MRC2: variants seen among roughly 807,000 people sequenced by gnomAD.
MRC2 encodes the protein C-type mannose receptor 2.
In MRC2, 84 loss-of-function variants were observed where a neutral mutation model predicts 206.2. The ratio of observed to expected loss-of-function variants is 0.41; its 90% CI spans 0.34 to 0.49. The LOEUF (loss-of-function observed/expected upper bound fraction) is 0.49. Among genes scored for constraint, MRC2 ranks in the 20% least tolerant of loss-of-function variants. The pLI, the probability that MRC2 is intolerant of heterozygous loss-of-function variation, is 0.31. For synonymous variants in MRC2, 798 were observed against 800.0 expected, an observed-to-expected ratio of 1.00 and a Z score of 0.04; for missense variants, 1,676 against 2,001.5, an observed-to-expected ratio of 0.84 and a Z score of 3.10.
At chr17:62,648,622 C>A (rs912900872) in intron 1 of MRC2, among the ~76,000 whole-genome samples, 1 of 152,208 alleles carries the variant, frequency 6.6e-6, no homozygotes, top group African/African-American at 2.4e-5. Context: ...CCTTGCATCT[C>A]CCTCCTGGGA....
chr17:62,670,728 G>C (rs1157263358), intron 6 of MRC2, among the ~76,000 whole-genome samples: 2 of 152,150 alleles, frequency 1.3e-5, no homozygotes, highest in Non-Finnish European at 2.9e-5. Context: ...TAGGAGCGGG[G>C]AAGGAGTCCC....
Position 62,667,000 on chromosome 17 carries a change from C to G in MRC2, c.973+130C>G, listed in dbSNP as rs373677437. 2.4e-4 allele frequency: 180 copies of G among 738,102 alleles called. 1 individual carries two copies. The highest frequency in any genetic ancestry group is 1.5e-3 in the East Asian group (54 of 37,002). 45.7% of individuals were successfully genotyped at this position (738,102 alleles called of 1,614,324 possible). On this transcript the variant is annotated intron_variant, in intron 5 of 29. Coordinates refer to ENST00000303375, the MANE Select transcript of MRC2 (RefSeq NM_006039.5). This position sits in a 1 kb window ranked among gnomAD's most constrained non-coding sequence, Gnocchi z 5.0. The stretch of plus-strand genomic sequence containing the variant: ...TAGGGGAAGCACCGACCTCCACCCC[C>G]CTCCCCAGACTGCGCCCCCCTAGCC...
At chr17:62,678,357 G>GTATC in intron 12 of MRC2, 147 bp from the exon 13 acceptor site, 1 of 1,130,708 alleles carries the variant, frequency 8.8e-7, no homozygotes, top group African/African-American at 1.6e-5. Context: ...GACCTCTGCA[G>GTATC]ATGAACAGGA....
chr17:62,659,551 A>G (rs543865416), intron 1 of MRC2, among the ~76,000 whole-genome samples: 136 of 152,216 alleles, frequency 8.9e-4, no homozygotes, highest in African/African-American at 3.1e-3. Flanking sequence ...GTATCAAAAA[A>G]AAAAAAAAAG....
intron 1 of MRC2, among the ~76,000 whole-genome samples, chr17:62,630,465 A>C (rs1029379302): frequency 2.0e-5 from 3 of 152,158 alleles, no homozygotes; most frequent in African/African-American, 7.2e-5. Flanking sequence ...AGGGTGGCCA[A>C]GGCTGTCTGG....
intron 20 of MRC2, 30 bp downstream of exon 20, chr17:62,682,407 A>G (rs745863043): frequency 6.3e-7 from 1 of 1,592,394 alleles, no homozygotes; most frequent in Non-Finnish European, 8.5e-7. Flanking sequence ...CACCCAAGGG[A>G]GTCAGGGGAG....
chr17:62,642,236 G>T (rs941686731), intron 1 of MRC2, among the ~76,000 whole-genome samples: 1 of 152,052 alleles, frequency 6.6e-6, no homozygotes, highest in African/African-American at 2.4e-5. Context: ...CATTTTTGAG[G>T]ATCCCAGGCC....
intron 24 of MRC2, 61 bp downstream of exon 24, chr17:62,689,821 TTCCTGCCCCC>T: frequency 6.5e-7 from 1 of 1,534,624 alleles, no homozygotes; most frequent in South Asian, 1.2e-5. Flanking sequence ...TCCCTGCCCC[TTCCTGCCCCC>T]GCCTTATCCG....
intron 1 of MRC2, among the ~76,000 whole-genome samples, chr17:62,657,649 G>A: frequency 6.8e-6 from 1 of 147,260 alleles, no homozygotes; most frequent in East Asian, 2.1e-4. Flanking sequence ...GGTGGGTGAG[G>A]CTGGAGGGGC....
intron 1 of MRC2, among the ~76,000 whole-genome samples, chr17:62,654,264 T>C (rs2088591713): frequency 6.6e-6 from 1 of 151,982 alleles, no homozygotes; most frequent in South Asian, 2.1e-4. Flanking sequence ...GCCCCCAGCT[T>C]TCCAGGAGCT....
chr17:62,656,461 G>T (rs999392624), intron 1 of MRC2, among the ~76,000 whole-genome samples: 2 of 152,176 alleles, frequency 1.3e-5, no homozygotes, highest in Admixed American at 6.5e-5. Context: ...CAAAGTGCAG[G>T]GATTACAGGC....
chr17:62,653,786 G>A (rs1270433371), intron 1 of MRC2, among the ~76,000 whole-genome samples: 3 of 152,104 alleles, frequency 2.0e-5, no homozygotes, highest in Admixed American at 6.6e-5. Flanking sequence ...CCGGTAGAGG[G>A]AAACCCACCA....
Position 62,689,542 on chromosome 17 carries a change from C to T in MRC2, c.3355C>T (p.Pro1119Ser), listed in dbSNP as rs2147493997. ...TGTAGACCCCTCCCTGAGCCCGTCC[C>T]CAGCAGCGCTGCCCCCCGCCCCGGG... is the stretch of plus-strand genomic sequence containing the variant. ...KGTDPSLSPS[P>S]AALPPAPGTE... Residue 1119 changes from proline (P) to serine (S), a missense_variant, in exon 24 of 30, where the codon CCA (proline) becomes TCA (serine). Physicochemically the swap from Pro to Ser is moderately conservative, Grantham distance 74 (BLOSUM62 -1). Transcript: ENST00000303375. 1.9e-6 allele frequency: 3 copies of T among 1,586,816 alleles called. No homozygotes were observed. The East Asian group carries it at 6.8e-5, about 36-fold the overall frequency.
Position 62,689,960 on chromosome 17 carries a change from C to T in MRC2, c.3640C>T (p.Pro1214Ser). Residue 1214 changes from proline to serine, a missense_variant, in exon 25 of 30, where the codon CCG (proline) becomes TCG (serine). By Grantham distance (74) the Pro-to-Ser change is moderately conservative. Transcript: ENST00000303375. ...CTACGTGGGCTGGCAGGACGGGGAGCCGCAGCAGCCGGGGGGCTGTACCTA... is the reference window on the plus strand; with the variant it reads ...CTACGTGGGCTGGCAGGACGGGGAGTCGCAGCAGCCGGGGGGCTGTACCTA... ...LNYVGWQDGEPQQPGGCTYVD... is the reference protein window; with the variant it reads ...LNYVGWQDGESQQPGGCTYVD... 6.2e-7 allele frequency: 1 copy of T among 1,612,094 alleles called. No individual in the cohort carries two copies. The highest frequency in any genetic ancestry group is 8.5e-7 in the Non-Finnish European group (1 of 1,179,786).
intron 18 of MRC2, 136 bp downstream of exon 18, chr17:62,681,265 T>C (rs956040862): frequency 1.0e-6 from 1 of 1,004,248 alleles, no homozygotes; most frequent in Admixed American, 2.7e-5. Context: ...TACTTAACCT[T>C]TCTGGGCCTT....
chr17:62,671,982 C>T lies in MRC2; in HGVS notation c.1307-16C>T. On this transcript the variant is annotated splice_polypyrimidine_tract_variant and intron_variant, in intron 7 of 29. Transcript: ENST00000303375. This position sits in a 1 kb window ranked among gnomAD's most constrained non-coding sequence, Gnocchi z 4.5. ...CTCAATGTTTTCTCTCCCCTCCTCT[C>T]CTGCTGCACCCCCAGAGGTGGAGGA... 1 of 1,614,138 alleles carries T rather than the reference C, an allele frequency of 6.2e-7. No individual in the cohort carries two copies. The highest frequency in any genetic ancestry group is 8.5e-7 in the Non-Finnish European group (1 of 1,180,022).
chr17:62,677,127 C>G, intron 11 of MRC2, 142 bp from the exon 12 acceptor site: 1 of 675,042 alleles, frequency 1.5e-6, no homozygotes, highest in Non-Finnish European at 2.5e-6. Flanking sequence ...CCTCCTGGCT[C>G]CAACCCCAGA....
chr17:62,691,199 G>T (rs373160158), intron 28 of MRC2, 71 bp downstream of exon 28: 10 of 1,495,204 alleles, frequency 6.7e-6, no homozygotes, highest in South Asian at 5.2e-5. Context: ...GGGGCTGGGG[G>T]CTGCTTCACA....
At chr17:62,686,451 T>TCAACAACAACAA (rs58330151) in intron 20 of MRC2, among the ~76,000 whole-genome samples, 172 of 150,154 alleles carry the variant, frequency 1.1e-3, no homozygotes, top group African/African-American at 3.9e-3. Flanking sequence ...AGACTCCATC[T>TCAACAACAACAA]CAACAACAAC....
Sources: allele counts gnomAD v4.1 joint callset (sites outside exome capture counted in the v4.1 genomes callset), GRCh38; gene constraint gnomAD v4.1.1; non-coding constraint Gnocchi (gnomAD v3.1); transcripts MANE v1.5; gene names NCBI Gene and HGNC (gene_info 2026-07-23, HGNC 2026-07-21).